The following ZNF536 variants were observed in gnomAD, a reference collection of about 807,000 sequenced individuals.
The protein encoded by ZNF536 is zinc finger protein 536.
In ZNF536, 13 loss-of-function variants were observed where a neutral mutation model predicts 84.5. That is an observed-to-expected ratio of 0.15 (90% confidence interval 0.10 to 0.24). The LOEUF is 0.24. Ranked by LOEUF, ZNF536 falls within the 10% of genes least tolerant of loss-of-function variation. The pLI is 1.00. For missense variants in ZNF536, 1,536 were observed against 1,747.5 expected (o/e 0.88, Z 2.16); for synonymous variants, 811 against 742.5 (o/e 1.09, Z -1.50).
intron 2 of ZNF536, among the ~76,000 whole-genome samples, chr19:30,328,592 T>C (rs546107853): frequency 1.1e-4 from 16 of 152,226 alleles, no homozygotes; most frequent in Non-Finnish European, 1.8e-4. Flanking sequence ...TCAAGTTCCA[T>C]TGGAATCATT....
intron 1 of ZNF536, among the ~76,000 whole-genome samples, chr19:30,392,603 T>C (rs2049644358): frequency 6.6e-6 from 1 of 151,856 alleles, no homozygotes; most frequent in Admixed American, 6.5e-5. Flanking sequence ...GTGATTTCCA[T>C]TTTTTCTAGG....
At chr19:30,276,663 G>A (rs566744655) in intron 1 of ZNF536, among the ~76,000 whole-genome samples, 1 of 152,268 alleles carries the variant, frequency 6.6e-6, no homozygotes, top group East Asian at 1.9e-4. Context: ...CCATGTGTTA[G>A]CTATGGAACA....
intron 1 of ZNF536, among the ~76,000 whole-genome samples, chr19:30,375,704 G>A (rs1193786772): frequency 2.0e-5 from 3 of 152,262 alleles, no homozygotes; most frequent in Admixed American, 2.0e-4. Context: ...ATGTGCCGGC[G>A]TGGCACGTGT....
intron 1 of ZNF536, among the ~76,000 whole-genome samples, chr19:30,429,938 A>T (rs761667250): frequency 6.0e-4 from 90 of 151,062 alleles, no homozygotes; most frequent in Non-Finnish European, 1.1e-3. Flanking sequence ...TTTCAGTCAC[A>T]TGTGGGCCCC....
chr19:30,640,939 A>G (rs1199765853), intron 1 of ZNF536, among the ~76,000 whole-genome samples: 1 of 152,222 alleles, frequency 6.6e-6, no homozygotes, highest in Non-Finnish European at 1.5e-5. Context: ...TGTCTGGGAC[A>G]TAGACACAGA....
chr19:30,637,667 T>C (rs1404888735), intron 1 of ZNF536, among the ~76,000 whole-genome samples: 2 of 152,214 alleles, frequency 1.3e-5, no homozygotes, highest in African/African-American at 4.8e-5. Context: ...GATGATCACA[T>C]AGCTCTTCTT....
chr19:30,600,967 G>C (rs1763123654), intron 1 of ZNF536, among the ~76,000 whole-genome samples: 1 of 152,152 alleles, frequency 6.6e-6, no homozygotes, highest in African/African-American at 2.4e-5. Context: ...ACTACTTTCT[G>C]ATTTTTACTG....
intron 3 of ZNF536, among the ~76,000 whole-genome samples, chr19:30,358,629 T>G (rs1266538273): frequency 2.0e-5 from 3 of 152,214 alleles, no homozygotes; most frequent in Admixed American, 2.0e-4. Flanking sequence ...CCACATTTCT[T>G]TCTGAATTTT....
In ZNF536 at chr19:30,533,492, C is replaced by G. The variant is rs1482270311; in HGVS notation, c.2171-1355C>G. Among the ~76,000 whole-genome samples, 4 of 150,784 alleles carry G rather than the reference C, an allele frequency of 2.7e-5. No individual in the cohort carries two copies. In the East Asian group the frequency reaches 7.8e-4, roughly 29 times the overall value. On this transcript the variant is annotated intron_variant, in intron 2 of 4. Transcript: ENST00000355537. ...CTGTGATTGTGCCACTGCACTCTAG[C>G]TTGGGTGACAAAATGAGACGCTGTC...
chr19:30,405,584 C>T (rs1249358831), intron 1 of ZNF536, among the ~76,000 whole-genome samples: 1 of 152,024 alleles, frequency 6.6e-6, no homozygotes, highest in East Asian at 1.9e-4. Context: ...GGGTACCAAA[C>T]CATTTAAGAC....
chr19:30,399,571 C>G (rs1298447517), intron 1 of ZNF536, among the ~76,000 whole-genome samples: 3 of 151,924 alleles, frequency 2.0e-5, no homozygotes, highest in Non-Finnish European at 4.4e-5. Flanking sequence ...AATTTTTAAT[C>G]CATCTTGAGT....
chr19:30,683,443 T>C (rs1459947836), intron 1 of ZNF536, among the ~76,000 whole-genome samples: 1 of 152,232 alleles, frequency 6.6e-6, no homozygotes, highest in African/African-American at 2.4e-5. Context: ...GTTAGAGCTG[T>C]TTCTATGATT....
chr19:30,363,972 G>C (rs2048349955), intron 3 of ZNF536, among the ~76,000 whole-genome samples: 1 of 152,152 alleles, frequency 6.6e-6, no homozygotes, highest in African/African-American at 2.4e-5. Flanking sequence ...AAGAGAGGGG[G>C]AATCTGGAAA....
intron 1 of ZNF536, among the ~76,000 whole-genome samples, chr19:30,255,862 G>A (rs894417633): frequency 1.3e-5 from 2 of 152,222 alleles, no homozygotes; most frequent in African/African-American, 4.8e-5. Flanking sequence ...AGTGGTGCTA[G>A]TGACTCAGGA....
chr19:30,525,517 C>A (rs1290003297), intron 2 of ZNF536, among the ~76,000 whole-genome samples: 1 of 152,156 alleles, frequency 6.6e-6, no homozygotes, highest in African/African-American at 2.4e-5. Flanking sequence ...TAGTGCCTGG[C>A]CCCTGTTCTC....
At chr19:30,603,421 C>G (rs1470613135) in intron 1 of ZNF536, among the ~76,000 whole-genome samples, 1 of 152,182 alleles carries the variant, frequency 6.6e-6, no homozygotes, top group Non-Finnish European at 1.5e-5. Flanking sequence ...AGATGTCTCA[C>G]AACTTTTCAA....
chr19:30,479,342 C>T (rs1818015143), intron 2 of ZNF536, among the ~76,000 whole-genome samples: 4 of 152,132 alleles, frequency 2.6e-5, no homozygotes, highest in Admixed American at 2.6e-4. Flanking sequence ...TAAGAAGTAG[C>T]AGCCTTCATT....
At chr19:30,324,909 C>T (rs77618647) in intron 2 of ZNF536, among the ~76,000 whole-genome samples, 4,168 of 152,268 alleles carry the variant, frequency 0.027, 182 homozygotes, top group African/African-American at 0.096. Flanking sequence ...GCACTAGTGG[C>T]GAACAACAGT....
chr19:30,300,860 A>AGT (rs572869566), intron 2 of ZNF536, among the ~76,000 whole-genome samples: 36,308 of 151,840 alleles, frequency 0.24, 5,451 homozygotes, highest in East Asian at 0.54. Flanking sequence ...TGAGTGCACA[A>AGT]GTGTGTGTGT....
Sources: gnomAD v4.1 joint callset for allele counts (sites outside exome capture counted in the v4.1 genomes callset) on GRCh38, gnomAD v4.1.1 for gene constraint, MANE v1.5 for transcripts, NCBI Gene and HGNC (gene_info 2026-07-23, HGNC 2026-07-21) for gene names.